Variants in NTMT2 observed in about 807,000 individuals in gnomAD.
NTMT2 encodes the protein X-Pro-Lys N-terminal protein methyltransferase 1B.
A neutral mutation model predicts 23.4 loss-of-function variants in NTMT2; 21 were observed. That is an observed-to-expected ratio of 0.90 (90% CI 0.64 to 1.29). NTMT2 has a LOEUF of 1.29. NTMT2 is among the 50% of genes most tolerant of loss of function. The pLI is 0.00. For synonymous variants in NTMT2, 131 were observed against 127.7 expected (o/e 1.03, Z -0.17); for missense variants, 336 against 352.0 (o/e 0.95, Z 0.36).
intron 1 of NTMT2, among the ~76,000 whole-genome samples, chr1:170,152,204 C>T (rs920842827): frequency 2.0e-5 from 3 of 151,986 alleles, no homozygotes; most frequent in African/African-American, 2.4e-5. Flanking sequence ...AGGAGAGAGA[C>T]GTACACAAAT....
intron 1 of NTMT2, 102 bp from the exon 2 acceptor site, chr1:170,160,416 A>G: frequency 9.0e-7 from 1 of 1,111,782 alleles, no homozygotes; most frequent in South Asian, 2.2e-5. Flanking sequence ...TCTTTTTGCC[A>G]CAGCACAGAT....
intron 1 of NTMT2, 56 bp from the exon 2 acceptor site, chr1:170,160,462 C>T: frequency 3.0e-6 from 4 of 1,353,664 alleles, no homozygotes; most frequent in Non-Finnish European, 3.9e-6. Flanking sequence ...ATGCATAAAG[C>T]TGAGATTTTT....
intron 1 of NTMT2, among the ~76,000 whole-genome samples, chr1:170,157,305 GTATT>G (rs1403561793): frequency 3.0e-4 from 46 of 152,090 alleles, no homozygotes; most frequent in Admixed American, 2.7e-3. Context: ...AAGCTTCTAT[GTATT>G]TATTTAAACT....
rs1246333050 is a variant in NTMT2 at position 170,167,720 on chromosome 1, T to C, written c.815T>C (p.Val272Ala). ...QDGFPEQCIPVWMFALHSDRH... is the reference protein window; with the variant it reads ...QDGFPEQCIPAWMFALHSDRH... ...GGCTTCCCAGAGCAGTGCATCCCCG[T>C]GTGGATGTTCGCACTGCACAGCGAC... The change falls in exon 4 of 4, where the codon GTG (valine) becomes GCG (alanine). Residue 272 changes from valine to alanine, a missense_variant. Val to Ala is a moderately conservative substitution (Grantham distance 64, BLOSUM62 0). Transcript: ENST00000439373. The C allele has an allele frequency of 6.4e-7, 1 of 1,551,424 alleles. No individual in the cohort carries two copies.
At chr1:170,163,373 T>A (rs1366940941) in intron 2 of NTMT2, among the ~76,000 whole-genome samples, 1 of 152,200 alleles carries the variant, frequency 6.6e-6, no homozygotes, top group Non-Finnish European at 1.5e-5. Flanking sequence ...AAAAGAAGAT[T>A]GTTTAATTTA....
intron 1 of NTMT2, among the ~76,000 whole-genome samples, chr1:170,153,695 A>G (rs1226819310): frequency 6.6e-6 from 1 of 152,256 alleles, no homozygotes; most frequent in Non-Finnish European, 1.5e-5. Context: ...TAACAGCTTA[A>G]CCAGGATTTG....
In NTMT2 at chr1:170,155,227, C is replaced by T. The variant is rs192745981; in HGVS notation, c.155-5291C>T. 5.4e-3 allele frequency among the ~76,000 whole-genome samples: 825 copies of T among 152,254 alleles called. 5 individuals are homozygous for T. Among genetic ancestry groups the T allele is most frequent in the Non-Finnish European group, 8.8e-3 (601 of 67,998 alleles). On this transcript the variant is annotated intron_variant, in intron 1 of 3. Transcript: ENST00000439373. ...TTATAGTAACACAAGAACAGCCTAACACAGGTATCATTACCTCTTTATAGA... is the reference window on the plus strand; with the variant it reads ...TTATAGTAACACAAGAACAGCCTAATACAGGTATCATTACCTCTTTATAGA...
At chr1:170,150,490 T>C (rs1040833849) in intron 1 of NTMT2, among the ~76,000 whole-genome samples, 3 of 152,158 alleles carry the variant, frequency 2.0e-5, no homozygotes, top group African/African-American at 7.2e-5. Context: ...CCTAGATGAG[T>C]TAAGTAACTT....
chr1:170,166,920 C>A (rs1214558372), intron 3 of NTMT2, among the ~76,000 whole-genome samples, 169 bp downstream of exon 3: 2 of 152,176 alleles, frequency 1.3e-5, no homozygotes, highest in African/African-American at 4.8e-5. Flanking sequence ...CCAGATTTCT[C>A]CCTTGACATT....
Position 170,167,175 on chromosome 1 carries a change from G to A in NTMT2, c.581-311G>A, listed in dbSNP as rs542975422. 2.6e-4 allele frequency among the ~76,000 whole-genome samples: 39 copies of A among 152,314 alleles called. 1 individual carries two copies. The East Asian group carries it at 7.3e-3, about 29-fold the overall frequency. On this transcript the variant is annotated intron_variant, in intron 3 of 3. Transcript: ENST00000439373. The stretch of plus-strand genomic sequence containing the variant: ...TTGGGGTGTGTGTGTGAGACACAAA[G>A]AAGTGGTAATAGAGGGGGTTCTCCA...
At chr1:170,164,585 A>G (rs1673336433) in intron 2 of NTMT2, among the ~76,000 whole-genome samples, 1 of 152,232 alleles carries the variant, frequency 6.6e-6, no homozygotes, top group African/African-American at 2.4e-5. Context: ...ACATGGCAGT[A>G]TATTACCACT....
intron 1 of NTMT2, among the ~76,000 whole-genome samples, chr1:170,148,655 C>T (rs538919065): frequency 1.3e-5 from 2 of 152,228 alleles, no homozygotes; most frequent in African/African-American, 4.8e-5. Context: ...GGATAGGCTG[C>T]AGTAACAAAT....
chr1:170,160,357 G>A (rs1285133257), intron 1 of NTMT2, among the ~76,000 whole-genome samples, 161 bp from the exon 2 acceptor site: 1 of 152,172 alleles, frequency 6.6e-6, no homozygotes, highest in Non-Finnish European at 1.5e-5. Flanking sequence ...TAGTGCATAA[G>A]TCATGGAGCC....
At chr1:170,153,329 G>A (rs986573858) in intron 1 of NTMT2, among the ~76,000 whole-genome samples, 3 of 152,226 alleles carry the variant, frequency 2.0e-5, no homozygotes. Context: ...ACTTGAAAAT[G>A]TGGAATTGAC....
Position 170,146,186 on chromosome 1 carries a change from T to C in NTMT2, c.79T>C (p.Ser27Pro), listed in dbSNP as rs753613021. ...CGATGAACTCTGTAGACATAGCATG[T>C]CTTTTATCCTTCACAAAGCCATTCG... ...TDDELCRHSMSFILHKAIRND... is the reference protein window; with the variant it reads ...TDDELCRHSMPFILHKAIRND... Residue 27 changes from serine to proline, a missense_variant, in exon 1 of 4, where the codon TCT becomes CCT. Transcript: ENST00000439373. 6 of 1,551,374 alleles carry C rather than the reference T, an allele frequency of 3.9e-6. No homozygotes were observed. The African/African-American group carries it at 5.5e-5, about 14-fold the overall frequency.
intron 1 of NTMT2, among the ~76,000 whole-genome samples, chr1:170,159,969 T>C (rs1442315077): frequency 2.6e-5 from 4 of 152,238 alleles, no homozygotes; most frequent in Non-Finnish European, 5.9e-5. Context: ...TTTATTATTT[T>C]ATTTTCACAA....
chr1:170,160,240 T>C (rs886660727), intron 1 of NTMT2, among the ~76,000 whole-genome samples: 1 of 152,182 alleles, frequency 6.6e-6, no homozygotes, highest in Admixed American at 6.5e-5. Flanking sequence ...TAGCTATGGG[T>C]TTATTCAACT....
At chr1:170,165,652 T>C (rs1180467543) in intron 2 of NTMT2, among the ~76,000 whole-genome samples, 1 of 152,212 alleles carries the variant, frequency 6.6e-6, no homozygotes, top group Non-Finnish European at 1.5e-5. Flanking sequence ...TATTCCAAAC[T>C]GAAATGTTTC....
Position 170,167,835 on chromosome 1 carries a change from T to C in NTMT2, c.*78T>C. On this transcript the variant is annotated 3_prime_UTR_variant, in exon 4 of 4. Transcript: ENST00000439373. Reference sequence around the variant, plus strand: ...TTGCTATCCTTCCAGGTGCCCCTTGTAATGCAGATAGGGATGGCAAGAAAA... The same window carrying C: ...TTGCTATCCTTCCAGGTGCCCCTTGCAATGCAGATAGGGATGGCAAGAAAA... The C allele has an allele frequency of 1.4e-6, 2 of 1,425,306 alleles. No homozygotes were observed. Among genetic ancestry groups the C allele is most frequent in the Non-Finnish European group, 1.9e-6 (2 of 1,068,364 alleles). 88.3% of individuals were successfully genotyped at this position (1,425,306 alleles called of 1,614,324 possible). A position where few individuals can be genotyped will look rare whatever the true frequency, so the allele number is the denominator to read the frequency against.
Sources: allele counts gnomAD v4.1 joint callset (sites outside exome capture counted in the v4.1 genomes callset), GRCh38; gene constraint gnomAD v4.1.1; transcripts MANE v1.5; gene names NCBI Gene and HGNC (gene_info 2026-07-23, HGNC 2026-07-21).